TMC1: variants seen among roughly 807,000 people sequenced by gnomAD.
TMC1 encodes transmembrane channel like 1.
A neutral mutation model predicts 105.8 loss-of-function variants in TMC1; 84 were observed. That is an observed-to-expected ratio of 0.79 (90% CI 0.67 to 0.95). The LOEUF is 0.95. Ranked by LOEUF, TMC1 falls within the 40% of genes least tolerant of loss-of-function variation. The probability of loss-of-function intolerance (pLI) is 0.00; values close to 1 mark genes in which losing one functional copy is unlikely to be tolerated. For synonymous variants in TMC1, 315 were observed against 311.5 expected (o/e 1.01, Z -0.12); for missense variants, 817 against 914.1 (o/e 0.89, Z 1.37).
chr9:72,702,958 A>C (rs1796991), intron 8 of TMC1, among the ~76,000 whole-genome samples: 34,571 of 151,720 alleles, frequency 0.23, 4,263 homozygotes, highest in East Asian at 0.38. Context: ...AGGAGACCGC[A>C]CCTGACTCTA....
At chr9:72,623,893 A>G (rs1825299643) in intron 3 of TMC1, among the ~76,000 whole-genome samples, 1 of 152,150 alleles carries the variant, frequency 6.6e-6, no homozygotes. Context: ...TCTTGGTCCT[A>G]GTCTATATCG....
intron 8 of TMC1, among the ~76,000 whole-genome samples, chr9:72,703,691 C>T (rs141452127): frequency 3.9e-5 from 6 of 152,294 alleles, no homozygotes; most frequent in Non-Finnish European, 7.3e-5. Context: ...GTTACCAAGA[C>T]GGTGATTCAG....
At chr9:72,670,810 A>G (rs530945708) in intron 5 of TMC1, among the ~76,000 whole-genome samples, 1 of 152,344 alleles carries the variant, frequency 6.6e-6, no homozygotes, top group Non-Finnish European at 1.5e-5. Context: ...GGATTAATGA[A>G]CATCAAAACA....
At chr9:72,529,179 G>A (rs1823455616) in intron 1 of TMC1, among the ~76,000 whole-genome samples, 1 of 151,628 alleles carries the variant, frequency 6.6e-6, no homozygotes, top group African/African-American at 2.4e-5. Flanking sequence ...CGGTGGGTGG[G>A]TCCTGGAACC....
chr9:72,603,853 T>G (rs1824864512), intron 2 of TMC1, among the ~76,000 whole-genome samples: 1 of 139,524 alleles, frequency 7.2e-6, no homozygotes, highest in Non-Finnish European at 1.5e-5. Flanking sequence ...CGGCTGTTTT[T>G]TTTTTTTTTT....
intron 13 of TMC1, among the ~76,000 whole-genome samples, chr9:72,776,843 C>A (rs1453042612): frequency 6.6e-6 from 1 of 151,808 alleles, no homozygotes; most frequent in Non-Finnish European, 1.5e-5. Context: ...GATGTGGATT[C>A]ATCTATATTG....
At chr9:72,564,840 G>A (rs550657341) in intron 1 of TMC1, among the ~76,000 whole-genome samples, 14 of 152,216 alleles carry the variant, frequency 9.2e-5, no homozygotes, top group Admixed American at 4.6e-4. Flanking sequence ...TGTGGAACTG[G>A]GCAGAACTTA....
intron 1 of TMC1, among the ~76,000 whole-genome samples, chr9:72,571,646 C>A (rs1170013890): frequency 6.6e-6 from 1 of 151,810 alleles, no homozygotes; most frequent in African/African-American, 2.4e-5. Context: ...TGGGGTTTCA[C>A]CATGTTGGCC....
At chr9:72,726,154 G>T (rs1388206828) in intron 8 of TMC1, among the ~76,000 whole-genome samples, 4 of 151,936 alleles carry the variant, frequency 2.6e-5, no homozygotes, top group African/African-American at 7.3e-5. Flanking sequence ...CAAATATAAG[G>T]GGTCCAAGAT....
At chr9:72,689,034 A>G (rs919650684) in intron 6 of TMC1, among the ~76,000 whole-genome samples, 4 of 152,166 alleles carry the variant, frequency 2.6e-5, no homozygotes, top group African/African-American at 7.2e-5. Flanking sequence ...ATATAATTTC[A>G]TAGAACTTGT....
At chr9:72,806,085 C>T (rs748720448) in intron 18 of TMC1, among the ~76,000 whole-genome samples, 25,565 of 150,700 alleles carry the variant, frequency 0.17, 2,333 homozygotes, top group African/African-American at 0.21. Flanking sequence ...GGGTGGTGGC[C>T]GGGCAGAGGG....
intron 23 of TMC1, among the ~76,000 whole-genome samples, chr9:72,833,427 A>C (rs1204802358): frequency 6.6e-6 from 1 of 152,176 alleles, no homozygotes; most frequent in African/African-American, 2.4e-5. Flanking sequence ...CTTTCCCAGA[A>C]TCTTCTGCAC....
intron 4 of TMC1, among the ~76,000 whole-genome samples, chr9:72,636,979 C>T (rs1174257425): frequency 6.6e-6 from 1 of 151,844 alleles, no homozygotes. Context: ...ATTATTCAGT[C>T]CAAAGTGTTA....
intron 13 of TMC1, among the ~76,000 whole-genome samples, chr9:72,774,952 A>C (rs1030399035): frequency 7.9e-5 from 12 of 152,222 alleles, no homozygotes; most frequent in Admixed American, 6.5e-4. Context: ...ACTAGGCTAC[A>C]TCAAGATTTT....
Position 72,728,800 on chromosome 9 carries a change from G to T in TMC1, c.363-11319G>T, listed in dbSNP as rs552666808. On this transcript the variant is annotated intron_variant, in intron 8 of 23. Transcript: ENST00000297784. ...AAAAAGAATGTTTAAACCATAAATT[G>T]AATCTTAAAGCAATCAAGTACAAAT... Among the ~76,000 whole-genome samples the T allele has an allele frequency of 3.3e-5, 5 of 152,024 alleles. No individual in the cohort carries two copies. In the South Asian group the frequency reaches 8.3e-4, roughly 25 times the overall value.
intron 3 of TMC1, among the ~76,000 whole-genome samples, chr9:72,624,596 G>A (rs542076988): frequency 6.6e-6 from 1 of 152,278 alleles, no homozygotes; most frequent in South Asian, 2.1e-4. Context: ...CTTCTTTGGG[G>A]CCACCTCAAG....
At position 72,732,689 on chromosome 9, in the gene TMC1, C is replaced by T. The variant is rs11143382; in HGVS notation, c.363-7430C>T. Among the ~76,000 whole-genome samples the T allele has an allele frequency of 3.8e-4, 58 of 152,238 alleles. 1 individual carries two copies. The East Asian group carries it at 0.01, about 26-fold the overall frequency. ...TGTATGTATGTCCTTATTCCAATTC[C>T]ATGAGGTAACACTGGTGTTATCCTG... is the stretch of plus-strand genomic sequence containing the variant. On this transcript the variant is annotated intron_variant, in intron 8 of 23. Transcript: ENST00000297784.
chr9:72,767,738 T>G (rs1240656342), intron 12 of TMC1, among the ~76,000 whole-genome samples: 1 of 152,224 alleles, frequency 6.6e-6, no homozygotes, highest in Non-Finnish European at 1.5e-5. Flanking sequence ...GGAACTTGGC[T>G]CTGACTCTGG....
At chr9:72,749,879 C>T (rs1255970574) in intron 10 of TMC1, among the ~76,000 whole-genome samples, 1 of 151,990 alleles carries the variant, frequency 6.6e-6, no homozygotes, top group Admixed American at 6.6e-5. Context: ...GAGGCTGAGG[C>T]GGGTGGATCA....
Sources: gnomAD v4.1 joint callset for allele counts (sites outside exome capture counted in the v4.1 genomes callset) on GRCh38, gnomAD v4.1.1 for gene constraint, MANE v1.5 for transcripts, NCBI Gene and HGNC (gene_info 2026-07-23, HGNC 2026-07-21) for gene names.